PREX1: variants seen among roughly 807,000 people sequenced by gnomAD.
PREX1 encodes phosphatidylinositol-3,4,5-trisphosphate dependent Rac exchange factor 1, also known as phosphatidylinositol 3,4,5-trisphosphate-dependent Rac exchanger 1 protein.
A neutral mutation model predicts 198.3 loss-of-function variants in PREX1; 41 were observed. That is an observed-to-expected ratio of 0.21 (90% CI 0.16 to 0.27). The LOEUF (loss-of-function observed/expected upper bound fraction) is 0.27, where lower values mean the gene tolerates loss of function less well. PREX1 is among the 10% of genes least tolerant of loss of function. The pLI is 1.00. For synonymous variants in PREX1, 843 were observed against 887.2 expected (o/e 0.95, Z 0.89); for missense variants, 1,620 against 2,200.7 (o/e 0.74, Z 5.28).
At chr20:48,771,455 A>T (rs1042640542) in intron 1 of PREX1, among the ~76,000 whole-genome samples, 14 of 151,814 alleles carry the variant, frequency 9.2e-5, no homozygotes, top group Non-Finnish European at 1.8e-4. Flanking sequence ...GCACCAATTT[A>T]TTGCTCTAAA....
chr20:48,738,437 C>T (rs1021771275), intron 3 of PREX1, among the ~76,000 whole-genome samples: 1 of 152,226 alleles, frequency 6.6e-6, no homozygotes, highest in African/African-American at 2.4e-5. Flanking sequence ...AGGACAACAT[C>T]CCCTCTGCAG....
At position 48,691,110 on chromosome 20, in the gene PREX1, G is replaced by A; in HGVS notation, c.1037-14C>T. On this transcript the variant is annotated splice_polypyrimidine_tract_variant and intron_variant, in intron 8 of 39. Coordinates refer to ENST00000371941, the MANE Select transcript of PREX1 (RefSeq NM_020820.4). The surrounding 1 kb of genome is among the most constrained non-coding windows in gnomAD (Gnocchi z 5.0). Reference sequence around the variant, plus strand: ...TATGGTAATCCGCTGGTGGGGGCAGGAGGCAAAGGTGCAGCAGAGACTCAG... The same window carrying A: ...TATGGTAATCCGCTGGTGGGGGCAGAAGGCAAAGGTGCAGCAGAGACTCAG... 6.2e-7 allele frequency: 1 copy of A among 1,614,158 alleles called. No individual in the cohort carries two copies. The highest frequency in any genetic ancestry group is 8.5e-7 in the Non-Finnish European group (1 of 1,180,000).
chr20:48,633,717 C>T (rs1322903002), intron 33 of PREX1, among the ~76,000 whole-genome samples: 1 of 152,122 alleles, frequency 6.6e-6, no homozygotes, highest in East Asian at 1.9e-4. Flanking sequence ...AAGTTCCCAG[C>T]CCTGGCTGCA....
chr20:48,805,152 G>A (rs987925690), intron 1 of PREX1, among the ~76,000 whole-genome samples: 8 of 152,180 alleles, frequency 5.3e-5, no homozygotes, highest in African/African-American at 7.2e-5. Flanking sequence ...GCTATGTGCC[G>A]GGGAGAAGAA....
At chr20:48,810,895 A>AAT (rs1568650431) in intron 1 of PREX1, among the ~76,000 whole-genome samples, 3 of 151,912 alleles carry the variant, frequency 2.0e-5, no homozygotes, top group Non-Finnish European at 4.4e-5. Flanking sequence ...CTCAAAAAAA[A>AAT]AATAATAATA....
chr20:48,751,933 A>C (rs2090135999), intron 1 of PREX1, among the ~76,000 whole-genome samples: 1 of 152,172 alleles, frequency 6.6e-6, no homozygotes, highest in South Asian at 2.1e-4. Context: ...TACTACACCG[A>C]ATTTGCTTGA....
intron 26 of PREX1, 67 bp downstream of exon 26, chr20:48,645,784 G>A (rs6066804): frequency 0.073 from 111,306 of 1,534,170 alleles, 4,609 homozygotes; most frequent in East Asian, 0.15. Flanking sequence ...ATGTTGCCAC[G>A]GGTCCGTGGC....
At chr20:48,715,552 C>T (rs2123104746) in intron 5 of PREX1, among the ~76,000 whole-genome samples, 1 of 152,262 alleles carries the variant, frequency 6.6e-6, no homozygotes, top group Non-Finnish European at 1.5e-5. Context: ...AGTGGCCTCA[C>T]CTCTCTAAAG....
At chr20:48,846,141 G>A in the PREX1 span, among the ~76,000 whole-genome samples, 1 of 152,142 alleles carries the variant, frequency 6.6e-6, no homozygotes, top group Non-Finnish European at 1.5e-5. Context: ...GAGGCACAGA[G>A]AATTACAGAA....
chr20:48,681,094 T>G (rs2089746280), intron 11 of PREX1, 141 bp downstream of exon 11: 1 of 749,656 alleles, frequency 1.3e-6, no homozygotes, highest in African/African-American at 1.7e-5. Flanking sequence ...GGCATCCATG[T>G]TCCTGCGGGC....
chr20:48,833,729 C>T, the PREX1 span, among the ~76,000 whole-genome samples: 2 of 152,262 alleles, frequency 1.3e-5, no homozygotes, highest in East Asian at 1.9e-4. Flanking sequence ...GGCATGAGCA[C>T]GGCGCCTGGC....
At chr20:48,637,636 G>A (rs562566850) in intron 31 of PREX1, 75 bp downstream of exon 31, 413 of 1,400,944 alleles carry the variant, frequency 2.9e-4, no homozygotes, top group Non-Finnish European at 3.8e-4. Context: ...TCCAGGCCCC[G>A]AGGGCATGGA....
intron 5 of PREX1, among the ~76,000 whole-genome samples, chr20:48,725,859 G>A (rs1032803864): frequency 6.6e-6 from 1 of 152,196 alleles, no homozygotes; most frequent in African/African-American, 2.4e-5. Context: ...GGTAAAGCAC[G>A]GGTCTAAGCT....
intron 1 of PREX1, among the ~76,000 whole-genome samples, chr20:48,826,267 C>T (rs1452910720): frequency 6.6e-6 from 1 of 152,032 alleles, no homozygotes; most frequent in Non-Finnish European, 1.5e-5. Flanking sequence ...GTAAATGAGG[C>T]CCCAGCAGGA....
intron 7 of PREX1, among the ~76,000 whole-genome samples, chr20:48,697,774 G>A (rs1265226496): frequency 6.6e-6 from 1 of 152,166 alleles, no homozygotes; most frequent in Non-Finnish European, 1.5e-5. Flanking sequence ...TCTGGGTCCT[G>A]GTTTCCCCTT....
At chr20:48,774,237 C>T (rs929630970) in intron 1 of PREX1, among the ~76,000 whole-genome samples, 3 of 152,230 alleles carry the variant, frequency 2.0e-5, no homozygotes, top group Non-Finnish European at 4.4e-5. Flanking sequence ...CAACTGCAAT[C>T]GTGCTGAGTG....
At chr20:48,698,238 T>C (rs2089856720) in intron 7 of PREX1, among the ~76,000 whole-genome samples, 1 of 152,218 alleles carries the variant, frequency 6.6e-6, no homozygotes, top group South Asian at 2.1e-4. Context: ...TGGAATCCAG[T>C]ATCAGAATCA....
At chr20:48,656,948 G>A (rs553633385) in intron 18 of PREX1, 92 bp downstream of exon 18, 20 of 1,415,812 alleles carry the variant, frequency 1.4e-5, no homozygotes, top group Middle Eastern at 2.5e-4. Context: ...TCCCAGCCAC[G>A]GGGGACCAGG....
chr20:48,706,003 A>G (rs2089901135), intron 6 of PREX1, among the ~76,000 whole-genome samples: 1 of 152,212 alleles, frequency 6.6e-6, no homozygotes, highest in Admixed American at 6.5e-5. Context: ...AATGGGGATA[A>G]TAGCACCTCC....
Sources: gnomAD v4.1 joint callset for allele counts (sites outside exome capture counted in the v4.1 genomes callset) on GRCh38, gnomAD v4.1.1 for gene constraint, Gnocchi (gnomAD v3.1) non-coding constraint, MANE v1.5 for transcripts, NCBI Gene and HGNC (gene_info 2026-07-23, HGNC 2026-07-21) for gene names.